Variants in MSL1 observed in about 807,000 individuals in gnomAD.
The protein encoded by MSL1 is male-specific lethal 1 homolog.
A neutral mutation model predicts 64.6 loss-of-function variants in MSL1; 21 were observed. The observed-to-expected ratio is 0.33, with a 90% CI of 0.23 to 0.47. The LOEUF is 0.47. Ranked by LOEUF, MSL1 falls within the 20% of genes least tolerant of loss-of-function variation. The pLI, the probability that MSL1 is intolerant of heterozygous loss-of-function variation, is 1.00. For synonymous variants in MSL1, 339 were observed against 329.6 expected (o/e 1.03, Z -0.31); for missense variants, 664 against 793.2 (o/e 0.84, Z 1.96).
chr17:40,122,892 G>A lies in MSL1; in HGVS notation c.280G>A (p.Glu94Lys). 7.0e-7 allele frequency: 1 copy of A among 1,428,864 alleles called. No individual in the cohort carries two copies. Among genetic ancestry groups the A allele is most frequent in the Non-Finnish European group, 9.1e-7 (1 of 1,099,738 alleles). The allele number at this position is 1,428,864 out of a possible 1,614,324, so 88.5% of individuals were successfully genotyped here. A position where few individuals can be genotyped will look rare whatever the true frequency, so the allele number is the denominator to read the frequency against. The change falls in exon 1 of 9, where the codon GAG (glutamate) becomes AAG (lysine). Residue 94 changes from glutamate to lysine, a missense_variant. Physicochemically the swap from Glu to Lys is moderately conservative, Grantham distance 56. Coordinates refer to ENST00000398532, the MANE Select transcript of MSL1 (RefSeq NM_001365919.1). This position sits in a 1 kb window ranked among gnomAD's most constrained non-coding sequence, Gnocchi z 4.2. Reference sequence around the variant, plus strand: ...CGGGGCGGCCCCCGGGCAGCAGGAAGAGAGCTGGGGCGGTTCGGTGCCCTT... The same window carrying A: ...CGGGGCGGCCCCCGGGCAGCAGGAAAAGAGCTGGGGCGGTTCGGTGCCCTT... The part of the protein sequence containing the change: ...PAGAAPGQQE[E>K]SWGGSVPLPC...
rs1988443243 is a variant in MSL1 at position 40,131,831 on chromosome 17, C to T, written c.1424-203C>T. The T allele has an allele frequency of 3.3e-6, 2 of 611,758 alleles. No individual in the cohort carries two copies. Among genetic ancestry groups the T allele is most frequent in the South Asian group, 4.0e-5 (2 of 49,632 alleles). 37.9% of individuals were successfully genotyped at this position (611,758 alleles called of 1,614,324 possible). A position where few individuals can be genotyped will look rare whatever the true frequency, so the allele number is the denominator to read the frequency against. On this transcript the variant is annotated intron_variant, in intron 4 of 8. Transcript: ENST00000398532. The surrounding 1 kb of genome is among the most constrained non-coding windows in gnomAD (Gnocchi z 4.5). ...TTTTTGTGATCCTGAGTTTGGCAGA[C>T]TGCAATGGCATTTTAGGTTCTTTTA... is the stretch of plus-strand genomic sequence containing the variant.
intron 6 of MSL1, 48 bp from the exon 7 acceptor site, chr17:40,133,486 A>C: frequency 6.3e-7 from 1 of 1,575,520 alleles, no homozygotes; most frequent in Non-Finnish European, 8.6e-7. Context: ...GGTTTTGGGT[A>C]AACAGTAATG....
chr17:40,122,572 C>A lies in MSL1; in HGVS notation c.-41C>A. On this transcript the variant is annotated 5_prime_UTR_variant, in exon 1 of 9. Transcript: ENST00000398532. The surrounding 1 kb of genome is among the most constrained non-coding windows in gnomAD (Gnocchi z 4.2). ...CCCCCGCACCTCGCCCCTTCCCCAC[C>A]CCCTCCTCCGCCTCGGTGCCCGGCG... 6 of 1,379,506 alleles carry A rather than the reference C, an allele frequency of 4.3e-6. No homozygotes were observed. The highest frequency in any genetic ancestry group is 5.6e-6 in the Non-Finnish European group (6 of 1,068,222). 85.5% of individuals were successfully genotyped at this position (1,379,506 alleles called of 1,614,324 possible). A position where few individuals can be genotyped will look rare whatever the true frequency, so the allele number is the denominator to read the frequency against.
At chr17:40,125,996 G>A (rs923079446) in intron 1 of MSL1, among the ~76,000 whole-genome samples, 187 bp from the exon 2 acceptor site, 2 of 152,122 alleles carry the variant, frequency 1.3e-5, no homozygotes, top group African/African-American at 2.4e-5. Flanking sequence ...AAATTTAACA[G>A]TATACCTTCT....
At position 40,123,136 on chromosome 17, in the gene MSL1, T is replaced by A; in HGVS notation, c.524T>A (p.Leu175Gln). 1 of 1,532,822 alleles carries A rather than the reference T, an allele frequency of 6.5e-7. No homozygotes were observed. Among genetic ancestry groups the A allele is most frequent in the African/African-American group, 1.4e-5 (1 of 72,914 alleles). The allele number at this position is 1,532,822 out of a possible 1,614,324, so 95.0% of individuals were successfully genotyped here. A position where few individuals can be genotyped will look rare whatever the true frequency, so the allele number is the denominator to read the frequency against. ...TCGGACCCGGCGGGACCCCCACCACTACCTCTGCCCGGGCCGCCACCCCTC... is the reference window on the plus strand; with the variant it reads ...TCGGACCCGGCGGGACCCCCACCACAACCTCTGCCCGGGCCGCCACCCCTC... ...TASDPAGPPP[L>Q]PLPGPPPLAP... The change falls in exon 1 of 9, where the codon CTA becomes CAA. Residue 175 changes from leucine (L) to glutamine (Q), a missense_variant. This residue lies in a region of MSL1 where 466 missense variants were observed against 499.0 expected (regional missense o/e 0.93). Transcript: ENST00000398532.
intron 1 of MSL1, among the ~76,000 whole-genome samples, chr17:40,125,678 C>T (rs538651019): frequency 4.6e-5 from 7 of 152,220 alleles, no homozygotes; most frequent in Admixed American, 3.3e-4. Context: ...GGTGTGGTGG[C>T]GGGCGCCTGA....
At position 40,122,506 on chromosome 17, in the gene MSL1, G is replaced by A. The variant is rs1988200496; in HGVS notation, c.-107G>A. On this transcript the variant is annotated 5_prime_UTR_variant, in exon 1 of 9. Coordinates refer to ENST00000398532, the MANE Select transcript of MSL1 (RefSeq NM_001365919.1). This position sits in a 1 kb window ranked among gnomAD's most constrained non-coding sequence, Gnocchi z 4.2. ...GGAGGCCTGCTGCCGCGCTGCTGAGGCGAGCCCGCCAAACTCCCCTCCCCC... is the reference window on the plus strand; with the variant it reads ...GGAGGCCTGCTGCCGCGCTGCTGAGACGAGCCCGCCAAACTCCCCTCCCCC... 1 of 816,972 alleles carries A rather than the reference G, an allele frequency of 1.2e-6. No homozygotes were observed. Among genetic ancestry groups the A allele is most frequent in the East Asian group, 3.4e-5 (1 of 29,424 alleles). 50.6% of individuals were successfully genotyped at this position (816,972 alleles called of 1,614,324 possible).
At chr17:40,123,408 G>A (rs1305929190) in intron 1 of MSL1, 28 bp downstream of exon 1, 4 of 1,531,336 alleles carry the variant, frequency 2.6e-6, no homozygotes, top group East Asian at 2.4e-5. Context: ...CTGCATTCGG[G>A]CCGAGGAGCG....
chr17:40,122,056 G>T lies in MSL1; in HGVS notation c.-557G>T, dbSNP rs1038993848. 4.0e-5 allele frequency among the ~76,000 whole-genome samples: 6 copies of T among 151,524 alleles called. No homozygotes were observed. The highest frequency in any genetic ancestry group is 3.9e-4 in the Admixed American group (6 of 15,254). Reference sequence around the variant, plus strand: ...AAAGGGAAACGCTGAGGCGCCGGGGGTGACTGTGGGGGAGGGGGACCCCGA... The same window carrying T: ...AAAGGGAAACGCTGAGGCGCCGGGGTTGACTGTGGGGGAGGGGGACCCCGA... On this transcript the variant is annotated 5_prime_UTR_variant, in exon 1 of 9. Transcript: ENST00000398532. This position sits in a 1 kb window ranked among gnomAD's most constrained non-coding sequence, Gnocchi z 4.2.
intron 2 of MSL1, 51 bp downstream of exon 2, chr17:40,126,457 G>A: frequency 6.7e-7 from 1 of 1,498,720 alleles, no homozygotes; most frequent in Non-Finnish European, 9.3e-7. Flanking sequence ...GTGATTGAGA[G>A]TAGGAGATTG....
Position 40,126,346 on chromosome 17 carries a change from C to T in MSL1, c.932C>T (p.Thr311Ile). The T allele has an allele frequency of 6.2e-7, 1 of 1,614,006 alleles. No homozygotes were observed. Among genetic ancestry groups the T allele is most frequent in the Non-Finnish European group, 8.5e-7 (1 of 1,179,890 alleles). The change falls in exon 2 of 9, where the codon ACA (threonine) becomes ATA (isoleucine). Residue 311 changes from threonine to isoleucine, a missense_variant. Coordinates refer to ENST00000398532, the MANE Select transcript of MSL1 (RefSeq NM_001365919.1). ...KLECQPELSE[T>I]SQTLPPKPFS... ...GAGTGCCAGCCGGAGCTTTCCGAGACATCCCAGACTCTGCCTCCCAAGCCC... is the reference window on the plus strand; with the variant it reads ...GAGTGCCAGCCGGAGCTTTCCGAGATATCCCAGACTCTGCCTCCCAAGCCC...
intron 2 of MSL1, among the ~76,000 whole-genome samples, chr17:40,127,840 T>G (rs1235117943): frequency 6.6e-6 from 1 of 152,134 alleles, no homozygotes; most frequent in Non-Finnish European, 1.5e-5. Context: ...GAAAAAGAAG[T>G]ATAGCCGGGT....
At position 40,131,661 on chromosome 17, in the gene MSL1, C is replaced by A; in HGVS notation, c.1423+77C>A. The A allele has an allele frequency of 5.6e-6, 7 of 1,258,580 alleles. No homozygotes were observed. Among genetic ancestry groups the A allele is most frequent in the South Asian group, 1.2e-5 (1 of 83,786 alleles). 78.0% of individuals were successfully genotyped at this position (1,258,580 alleles called of 1,614,324 possible). A position where few individuals can be genotyped will look rare whatever the true frequency, so the allele number is the denominator to read the frequency against. On this transcript the variant is annotated intron_variant, in intron 4 of 8. Coordinates refer to ENST00000398532, the MANE Select transcript of MSL1 (RefSeq NM_001365919.1). The surrounding 1 kb of genome is among the most constrained non-coding windows in gnomAD (Gnocchi z 4.5). ...ATGGTGGATGGTTGGGAGCTGCATT[C>A]CCCATCCACTGGATGTGGGAGACTG...
In MSL1 at chr17:40,122,347, GAGGCGA is replaced by G; in HGVS notation, c.-260_-255del. Reference sequence around the variant, plus strand: ...CGGCTGGGTGCGAGCTCCTGCCTCTGAGGCGAAGGCGGCGGCGGCGGCAGCAGAGGC... The same window carrying G: ...CGGCTGGGTGCGAGCTCCTGCCTCTGAGGCGGCGGCGGCGGCAGCAGAGGC... On this transcript the variant is annotated 5_prime_UTR_variant, in exon 1 of 9. Coordinates refer to ENST00000398532, the MANE Select transcript of MSL1 (RefSeq NM_001365919.1). This position sits in a 1 kb window ranked among gnomAD's most constrained non-coding sequence, Gnocchi z 4.2. 1 of 214,484 alleles carries G rather than the reference GAGGCGA, an allele frequency of 4.7e-6. No individual in the cohort carries two copies. Among genetic ancestry groups the G allele is most frequent in the South Asian group, 1.6e-4 (1 of 6,216 alleles). 13.3% of individuals were successfully genotyped at this position (214,484 alleles called of 1,614,324 possible).
At position 40,123,377 on chromosome 17, in the gene MSL1, C is replaced by G; in HGVS notation, c.765C>G (p.Asp255Glu). Reference protein sequence around the residue: ...KEIEELKSERDTLLARIERME... With the variant: ...KEIEELKSERETLLARIERME... ...TCGAGGAGCTGAAGTCAGAGAGAGA[C>G]ACGGTACGGGAGGGGTTAATCTGCA... is the stretch of plus-strand genomic sequence containing the variant. The change falls in exon 1 of 9, where the codon GAC (aspartate) becomes GAG (glutamate). Residue 255 changes from aspartate (D) to glutamate (E), a missense_variant. Around this residue, in one of 4 missense-constraint regions of MSL1, gnomAD observed 466 missense variants for 499.0 expected, o/e 0.93. Coordinates refer to ENST00000398532, the MANE Select transcript of MSL1 (RefSeq NM_001365919.1). 6.5e-7 allele frequency: 1 copy of G among 1,536,240 alleles called. No individual in the cohort carries two copies. The highest frequency in any genetic ancestry group is 2.4e-5 in the East Asian group (1 of 40,960).
At position 40,131,918 on chromosome 17, in the gene MSL1, G is replaced by C; in HGVS notation, c.1424-116G>C. On this transcript the variant is annotated intron_variant, in intron 4 of 8. Transcript: ENST00000398532. This position sits in a 1 kb window ranked among gnomAD's most constrained non-coding sequence, Gnocchi z 4.5. ...GCCATAGAATGGATTCCTATCACTT[G>C]GTAACTTTGTCTCTTCTGGGGAGAG... 1 of 735,012 alleles carries C rather than the reference G, an allele frequency of 1.4e-6. No homozygotes were observed. The highest frequency in any genetic ancestry group is 2.3e-6 in the Non-Finnish European group (1 of 437,760). The allele number at this position is 735,012 out of a possible 1,614,324, so 45.5% of individuals were successfully genotyped here.
Position 40,126,379 on chromosome 17 carries a change from G to A in MSL1, c.965G>A (p.Cys322Tyr). 1 of 1,614,034 alleles carries A rather than the reference G, an allele frequency of 6.2e-7. No individual in the cohort carries two copies. The highest frequency in any genetic ancestry group is 8.5e-7 in the Non-Finnish European group (1 of 1,179,882). Residue 322 changes from cysteine (C) to tyrosine (Y), a missense_variant, in exon 2 of 9, where the codon TGT (cysteine) becomes TAT (tyrosine). Coordinates refer to ENST00000398532, the MANE Select transcript of MSL1 (RefSeq NM_001365919.1). Reference sequence around the variant, plus strand: ...ACTCTGCCTCCCAAGCCCTTCTCATGTGGGCGGAGTGGAAAGGGACATAAA... The same window carrying A: ...ACTCTGCCTCCCAAGCCCTTCTCATATGGGCGGAGTGGAAAGGGACATAAA... Reference protein sequence around the residue: ...SQTLPPKPFSCGRSGKGHKRK... With the variant: ...SQTLPPKPFSYGRSGKGHKRK...
At chr17:40,129,784 C>A in intron 3 of MSL1, 157 bp downstream of exon 3, 1 of 746,724 alleles carries the variant, frequency 1.3e-6, no homozygotes, top group Non-Finnish European at 2.0e-6. Flanking sequence ...ACTGTGCAGG[C>A]ATTGCAAATA....
Position 40,126,210 on chromosome 17 carries a change from A to G in MSL1, c.796A>G (p.Arg266Gly). Residue 266 changes from arginine (R) to glycine (G), a missense_variant, in exon 2 of 9, where the codon AGG (arginine) becomes GGG (glycine). Physicochemically the swap from Arg to Gly is moderately radical, Grantham distance 125. Coordinates refer to ENST00000398532, the MANE Select transcript of MSL1 (RefSeq NM_001365919.1). ...CCTTGCTCGGATTGAACGTATGGAA[A>G]GGCGGATGCAGCTGGTAAAGAAGGA... The part of the protein sequence containing the change: ...TLLARIERME[R>G]RMQLVKKDNE... 1 of 1,614,020 alleles carries G rather than the reference A, an allele frequency of 6.2e-7. No individual in the cohort carries two copies.
Sources: gnomAD v4.1 joint callset for allele counts (sites outside exome capture counted in the v4.1 genomes callset) on GRCh38, gnomAD v4.1.1 for gene constraint, gnomAD v4.1.1 regional missense constraint, Gnocchi (gnomAD v3.1) non-coding constraint, MANE v1.5 for transcripts, NCBI Gene and HGNC (gene_info 2026-07-23, HGNC 2026-07-21) for gene names.